Variants in WWTR1 observed in about 807,000 individuals in gnomAD.
WWTR1 encodes WW domain-containing transcription regulator protein 1.
Under a neutral mutation model 40.1 loss-of-function variants are expected in WWTR1, and 13 were observed. The ratio of observed to expected loss-of-function variants is 0.32; its 90% CI spans 0.21 to 0.52. The LOEUF is 0.52. Ranked by LOEUF, WWTR1 falls within the 20% of genes least tolerant of loss-of-function variation. The pLI is 0.97. For missense variants in WWTR1, 436 were observed against 523.1 expected (o/e 0.83, Z 1.63); for synonymous variants, 230 against 210.1 (o/e 1.09, Z -0.82).
chr3:149,571,343 TAAAC>T (rs752624952), intron 3 of WWTR1, among the ~76,000 whole-genome samples: 8 of 151,852 alleles, frequency 5.3e-5, no homozygotes, highest in African/African-American at 1.7e-4. Flanking sequence ...ATTAAATGGT[TAAAC>T]AAACTGTAAA....
At chr3:149,716,964 C>T (rs1240052190) in intron 5 of WWTR1, among the ~76,000 whole-genome samples, 1 of 152,082 alleles carries the variant, frequency 6.6e-6, no homozygotes, top group African/African-American at 2.4e-5. Flanking sequence ...GTTACTTGAG[C>T]CCAGAGTTCG....
chr3:149,663,337 C>T lies in WWTR1; in HGVS notation c.-3-6028G>A, dbSNP rs1036832962. The stretch of plus-strand genomic sequence containing the variant: ...CCGGCATATATTGTATTGTAAAATT[C>T]GCCTCAGAAATCTCTTGCCTCCCCA... On this transcript the variant is annotated intron_variant, in intron 2 of 7. Coordinates refer to the WWTR1 transcript ENST00000465804. Among the ~76,000 whole-genome samples the T allele has an allele frequency of 9.9e-5, 9 of 90,838 alleles. No individual in the cohort carries two copies. The East Asian group carries it at 1.1e-3, about 12-fold the overall frequency. The allele number at this position is 90,838 out of a possible 152,430, so 59.6% of individuals were successfully genotyped here.
intron 2 of WWTR1, among the ~76,000 whole-genome samples, chr3:149,618,429 T>A (rs1420620886): frequency 2.0e-5 from 3 of 152,230 alleles, no homozygotes; most frequent in Non-Finnish European, 2.9e-5. Context: ...AACATGTATT[T>A]ATCTCTAATC....
At chr3:149,541,084 C>T (rs750630130) in intron 4 of WWTR1, 16 of 454,794 alleles carry the variant, frequency 3.5e-5, no homozygotes, top group South Asian at 2.3e-4. Flanking sequence ...TCTCTAATTT[C>T]TCTAAAGTAG....
chr3:149,525,933 GA>G, intron 6 of WWTR1, 79 bp downstream of exon 6: 1 of 805,450 alleles, frequency 1.2e-6, no homozygotes, highest in Non-Finnish European at 1.8e-6. Context: ...TAAAATAAAA[GA>G]AAAATAAAAT....
At chr3:149,592,575 A>T (rs1165045035) in intron 2 of WWTR1, among the ~76,000 whole-genome samples, 1 of 152,208 alleles carries the variant, frequency 6.6e-6, no homozygotes, top group East Asian at 1.9e-4. Flanking sequence ...TAATCGGCAT[A>T]TATCAGAATA....
At chr3:149,648,756 A>C (rs1316543572) in intron 2 of WWTR1, among the ~76,000 whole-genome samples, 1 of 152,174 alleles carries the variant, frequency 6.6e-6, no homozygotes, top group Non-Finnish European at 1.5e-5. Context: ...ATTATAAATG[A>C]CTGACTTAGG....
intron 3 of WWTR1, among the ~76,000 whole-genome samples, chr3:149,543,849 A>ATT (rs1432869679): frequency 6.6e-6 from 1 of 150,516 alleles, no homozygotes; most frequent in Non-Finnish European, 1.5e-5. Flanking sequence ...TGAGAAAAAA[A>ATT]TTCTCAATTT....
chr3:149,634,367 T>C (rs540982822), intron 2 of WWTR1, among the ~76,000 whole-genome samples: 1 of 152,304 alleles, frequency 6.6e-6, no homozygotes, highest in South Asian at 2.1e-4. Context: ...TAGGTACACG[T>C]TTGTTAAATA....
intron 2 of WWTR1, among the ~76,000 whole-genome samples, chr3:149,646,440 T>G (rs1712538280): frequency 6.6e-6 from 1 of 152,228 alleles, no homozygotes; most frequent in Non-Finnish European, 1.5e-5. Context: ...CAATGCCATT[T>G]TGCCATAAAG....
intron 2 of WWTR1, among the ~76,000 whole-genome samples, chr3:149,663,256 G>A (rs187540494): frequency 6.6e-6 from 1 of 151,826 alleles, no homozygotes; most frequent in African/African-American, 2.4e-5. Flanking sequence ...GATCTCAGGT[G>A]ATCCACCCAC....
intron 2 of WWTR1, among the ~76,000 whole-genome samples, chr3:149,639,602 T>C (rs764346457): frequency 9.9e-5 from 15 of 152,074 alleles, no homozygotes; most frequent in Non-Finnish European, 1.6e-4. Context: ...GCTCTCAAGG[T>C]CTCTTATAAA....
intron 2 of WWTR1, among the ~76,000 whole-genome samples, chr3:149,586,731 G>A (rs1738447698): frequency 6.6e-6 from 1 of 152,150 alleles, no homozygotes; most frequent in Non-Finnish European, 1.5e-5. Context: ...TGGAGGATTC[G>A]AACTTTCAGT....
chr3:149,651,991 A>ATTTTTTTTTTT (rs1560104151), intron 2 of WWTR1, among the ~76,000 whole-genome samples: 1 of 50,816 alleles, frequency 2.0e-5, no homozygotes, highest in Non-Finnish European at 4.0e-5. Context: ...ACGCCCGGCT[A>ATTTTTTTTTTT]ATTTTTTTTT....
In WWTR1 at chr3:149,578,080, A is replaced by G. The variant is rs956624581; in HGVS notation, c.432-5080T>C. ...GGCACATATCCCAAGGACACCTGGT[A>G]TCCAAGTCCCCCTGGGTCACCATGG... On this transcript the variant is annotated intron_variant, in intron 2 of 6. Transcript: ENST00000360632. Among the ~76,000 whole-genome samples the G allele has an allele frequency of 1.1e-4, 16 of 140,592 alleles. 1 individual carries two copies. The highest frequency in any genetic ancestry group is 7.9e-4 in the Admixed American group (10 of 12,626). The allele number at this position is 140,592 out of a possible 152,430, so 92.2% of individuals were successfully genotyped here.
At chr3:149,546,944 A>C (rs114915723) in intron 3 of WWTR1, among the ~76,000 whole-genome samples, 1 of 152,112 alleles carries the variant, frequency 6.6e-6, no homozygotes, top group Non-Finnish European at 1.5e-5. Flanking sequence ...GTCTCAACCC[A>C]GGAACCCACC....
chr3:149,609,478 C>G (rs1739636574), intron 2 of WWTR1, among the ~76,000 whole-genome samples: 1 of 152,124 alleles, frequency 6.6e-6, no homozygotes, highest in South Asian at 2.1e-4. Context: ...ATAATTGTAA[C>G]AAATTAAAAT....
chr3:149,629,668 C>G (rs1419580527), intron 2 of WWTR1, among the ~76,000 whole-genome samples: 1 of 152,210 alleles, frequency 6.6e-6, no homozygotes, highest in Non-Finnish European at 1.5e-5. Flanking sequence ...TCAAAGACAA[C>G]TGGCACTAAA....
chr3:149,558,562 C>T (rs977507821), intron 3 of WWTR1, among the ~76,000 whole-genome samples: 1 of 152,188 alleles, frequency 6.6e-6, no homozygotes, highest in Admixed American at 6.5e-5. Flanking sequence ...ATAGACACTA[C>T]CTTCATCAAG....
Sources: allele counts gnomAD v4.1 joint callset (sites outside exome capture counted in the v4.1 genomes callset), GRCh38; gene constraint gnomAD v4.1.1; transcripts MANE v1.5; gene names NCBI Gene and HGNC (gene_info 2026-07-23, HGNC 2026-07-21).